The following RASGRP3 variants were observed in gnomAD, a reference collection of about 807,000 sequenced individuals.
RASGRP3 encodes RAS guanyl releasing protein 3.
A neutral mutation model predicts 82.7 loss-of-function variants in RASGRP3; 54 were observed. The observed-to-expected ratio is 0.65, with a 90% CI of 0.52 to 0.82. The LOEUF (loss-of-function observed/expected upper bound fraction) is 0.82. Ranked by LOEUF, RASGRP3 falls within the 40% of genes least tolerant of loss-of-function variation. RASGRP3 has a pLI of 0.00. For missense variants in RASGRP3, 861 were observed against 828.9 expected (o/e 1.04, Z -0.48); for synonymous variants, 309 against 300.5 (o/e 1.03, Z -0.29).
At chr2:33,486,221 G>C (rs756470151) in intron 1 of RASGRP3, among the ~76,000 whole-genome samples, 19 of 148,686 alleles carry the variant, frequency 1.3e-4, no homozygotes, top group Non-Finnish European at 1.8e-4. Context: ...CTGGGGTATA[G>C]TGGCACAATC....
chr2:33,489,301 T>G (rs1028223488), intron 1 of RASGRP3, among the ~76,000 whole-genome samples: 2 of 152,178 alleles, frequency 1.3e-5, no homozygotes, highest in Admixed American at 1.3e-4. Context: ...ATGCAACATT[T>G]TTGCTTGTCT....
intron 2 of RASGRP3, among the ~76,000 whole-genome samples, chr2:33,449,760 A>G (rs574224928): frequency 3.1e-4 from 47 of 151,040 alleles, no homozygotes; most frequent in Non-Finnish European, 5.9e-4. Flanking sequence ...TCCATCTCCA[A>G]AAAAAAAAGG....
chr2:33,450,163 G>C (rs1053984037), intron 2 of RASGRP3, among the ~76,000 whole-genome samples: 1 of 152,028 alleles, frequency 6.6e-6, no homozygotes, highest in Non-Finnish European at 1.5e-5. Flanking sequence ...ATGATGTTTT[G>C]ATATATGTAT....
At chr2:33,546,227 T>C (rs987794624) in intron 13 of RASGRP3, among the ~76,000 whole-genome samples, 14 of 151,786 alleles carry the variant, frequency 9.2e-5, no homozygotes, top group African/African-American at 3.4e-4. Flanking sequence ...ATCAAGACCA[T>C]CCTGGCTAAC....
At chr2:33,469,617 G>A (rs1263574393) in intron 2 of RASGRP3, among the ~76,000 whole-genome samples, 3 of 151,944 alleles carry the variant, frequency 2.0e-5, no homozygotes, top group East Asian at 1.9e-4. Context: ...GGGCCACCAT[G>A]CCCAGCTAAT....
chr2:33,446,174 T>C (rs1369514539), intron 1 of RASGRP3, among the ~76,000 whole-genome samples: 7 of 152,210 alleles, frequency 4.6e-5, no homozygotes, highest in Non-Finnish European at 8.8e-5. Context: ...TGTTTTGTTT[T>C]TGAGACGGAG....
Position 33,563,292 on chromosome 2 carries a change from T to A in RASGRP3, c.*555T>A, listed in dbSNP as rs185988771. 7.8e-5 allele frequency: 12 copies of A among 152,944 alleles called. No individual in the cohort carries two copies. The highest frequency in any genetic ancestry group is 2.9e-4 in the African/African-American group (12 of 41,562). 9.5% of individuals were successfully genotyped at this position (152,944 alleles called of 1,614,324 possible). On this transcript the variant is annotated 3_prime_UTR_variant, in exon 18 of 18. Coordinates refer to ENST00000403687, the MANE Select transcript of RASGRP3 (RefSeq NM_001139488.2). Reference sequence around the variant, plus strand: ...ATTTTCCTGAGGACTAGGAAGCTCATCAGACACTGGAATGCAGTGATTCTT... The same window carrying A: ...ATTTTCCTGAGGACTAGGAAGCTCAACAGACACTGGAATGCAGTGATTCTT...
intron 10 of RASGRP3, chr2:33,533,097 T>A (rs1673261333): frequency 6.6e-6 from 1 of 152,202 alleles, no homozygotes; most frequent in African/African-American, 2.4e-5. Flanking sequence ...CCCGCACTGG[T>A]TATGTTCATG....
At chr2:33,491,230 C>T (rs1347677965) in intron 1 of RASGRP3, among the ~76,000 whole-genome samples, 2 of 151,944 alleles carry the variant, frequency 1.3e-5, no homozygotes, top group African/African-American at 4.8e-5. Flanking sequence ...GCAGGAGACT[C>T]ACTTGAACCT....
In RASGRP3 at chr2:33,541,179, T is replaced by C. The variant is rs1192173081; in HGVS notation, c.1278+1969T>C. Among the ~76,000 whole-genome samples the C allele has an allele frequency of 1.4e-5, 2 of 147,144 alleles. 1 individual carries two copies. Among genetic ancestry groups the C allele is most frequent in the East Asian group, 3.8e-4 (2 of 5,204 alleles). ...GGCAATGGGAAACTTTTTTTATTCT[T>C]CTCTGATTATAAAGGAAGATAGAAT... is the stretch of plus-strand genomic sequence containing the variant. On this transcript the variant is annotated intron_variant, in intron 12 of 17. Coordinates refer to ENST00000403687, the MANE Select transcript of RASGRP3 (RefSeq NM_001139488.2).
chr2:33,558,018 C>T (rs967599758), intron 15 of RASGRP3, among the ~76,000 whole-genome samples, 193 bp from the exon 16 acceptor site: 1 of 152,074 alleles, frequency 6.6e-6, no homozygotes, highest in Non-Finnish European at 1.5e-5. Flanking sequence ...ATTTTCGGAA[C>T]CTCAGGAAGG....
intron 1 of RASGRP3, among the ~76,000 whole-genome samples, chr2:33,495,497 A>C (rs1177233242): frequency 6.6e-6 from 1 of 151,512 alleles, no homozygotes; most frequent in Non-Finnish European, 1.5e-5. Context: ...TTGGTTCCTA[A>C]CAGGCCATGG....
chr2:33,560,333 T>A (rs1179536552), intron 17 of RASGRP3, among the ~76,000 whole-genome samples: 9 of 152,314 alleles, frequency 5.9e-5, no homozygotes, highest in South Asian at 4.1e-4. Context: ...GACAACTGTA[T>A]CAGTCCTATC....
At chr2:33,501,127 A>G (rs1169416715) in intron 1 of RASGRP3, among the ~76,000 whole-genome samples, 3 of 152,156 alleles carry the variant, frequency 2.0e-5, no homozygotes, top group South Asian at 2.1e-4. Flanking sequence ...TTCTGTCGCT[A>G]TAGATTTGCC....
At chr2:33,508,622 T>G (rs1670629567) in intron 1 of RASGRP3, among the ~76,000 whole-genome samples, 1 of 152,206 alleles carries the variant, frequency 6.6e-6, no homozygotes, top group East Asian at 1.9e-4. Context: ...CACGGTCATC[T>G]GCCAGAAGGT....
chr2:33,541,961 T>A (rs575737681), intron 12 of RASGRP3, among the ~76,000 whole-genome samples: 1 of 147,018 alleles, frequency 6.8e-6, no homozygotes, highest in African/African-American at 2.4e-5. Context: ...TATAATACAC[T>A]AGTGCAGTGG....
At chr2:33,542,458 A>G (rs1419865774) in intron 12 of RASGRP3, among the ~76,000 whole-genome samples, 2 of 147,332 alleles carry the variant, frequency 1.4e-5, no homozygotes, top group African/African-American at 4.9e-5. Context: ...TTGTTCATTT[A>G]AAATAAATCC....
chr2:33,530,393 GTTTTCACAGCAC>G (rs142872521), intron 10 of RASGRP3, among the ~76,000 whole-genome samples: 6,092 of 151,458 alleles, frequency 0.04, 402 homozygotes, highest in African/African-American at 0.14. Flanking sequence ...GTTAATTACA[GTTTTCACAGCAC>G]TTTTCACATA....
intron 1 of RASGRP3, among the ~76,000 whole-genome samples, chr2:33,483,609 C>T (rs1668123973): frequency 6.6e-6 from 1 of 151,724 alleles, no homozygotes; most frequent in African/African-American, 2.4e-5. Context: ...CTGCCTCAGC[C>T]TCCTGAGTAG....
Sources: gnomAD v4.1 joint callset for allele counts (sites outside exome capture counted in the v4.1 genomes callset) on GRCh38, gnomAD v4.1.1 for gene constraint, MANE v1.5 for transcripts, NCBI Gene and HGNC (gene_info 2026-07-23, HGNC 2026-07-21) for gene names.